The following PKP4 variants were observed in gnomAD, a reference collection of about 807,000 sequenced individuals.
The protein encoded by PKP4 is plakophilin 4.
PKP4 carries 90 observed loss-of-function variants against 145.1 expected under a neutral mutation model. That is an observed-to-expected ratio of 0.62 (90% CI 0.52 to 0.74). The LOEUF is 0.74. Among genes scored for constraint, PKP4 ranks in the 30% least tolerant of loss-of-function variants. The probability of loss-of-function intolerance (pLI) is 0.00; values close to 1 mark genes in which losing one functional copy is unlikely to be tolerated. For missense variants in PKP4, 1,340 were observed against 1,482.7 expected (o/e 0.90, Z 1.58); for synonymous variants, 563 against 577.2 (o/e 0.98, Z 0.35).
intron 4 of PKP4, 45 bp from the exon 5 acceptor site, chr2:158,620,945 A>G (rs2052167021): frequency 6.4e-7 from 1 of 1,562,368 alleles, no homozygotes; most frequent in African/African-American, 1.4e-5. Flanking sequence ...GCAAGTTTTT[A>G]TGTAATGTTA....
intron 3 of PKP4, among the ~76,000 whole-genome samples, chr2:158,590,355 GTGTAT>G: frequency 7.4e-6 from 1 of 135,534 alleles, no homozygotes; most frequent in South Asian, 2.4e-4. Context: ...GTGTGTGTGT[GTGTAT>G]TGTGTATTTC....
intron 3 of PKP4, among the ~76,000 whole-genome samples, chr2:158,583,714 TAA>T (rs1016402672): frequency 6.6e-6 from 1 of 152,148 alleles, no homozygotes; most frequent in Non-Finnish European, 1.5e-5. Context: ...TTCTTTCTCT[TAA>T]AAAAATTTAT....
chr2:158,613,119 C>T (rs141251846), intron 4 of PKP4, among the ~76,000 whole-genome samples: 1,815 of 152,256 alleles, frequency 0.012, 17 homozygotes, highest in Middle Eastern at 0.034. Flanking sequence ...AAAATCTTGA[C>T]GCCCAGGCAT....
Position 158,680,619 on chromosome 2 carries a change from C to T in PKP4, c.3521C>T (p.Thr1174Ile), listed in dbSNP as rs768603298. Residue 1174 changes from threonine to isoleucine, a missense_variant, in exon 22 of 22, where the codon ACT becomes ATT. By Grantham distance (89) the Thr-to-Ile change is moderately conservative. Coordinates refer to ENST00000389759, the MANE Select transcript of PKP4 (RefSeq NM_003628.6). ...STTNYVDFYS[T>I]KRPSYRAEQY... ...ACAAATTATGTAGACTTTTATTCCA[C>T]TAAACGACCTTCTTATAGAGCAGAA... is the stretch of plus-strand genomic sequence containing the variant. The T allele has an allele frequency of 1.2e-6, 2 of 1,613,898 alleles. No individual in the cohort carries two copies. Among genetic ancestry groups the T allele is most frequent in the South Asian group, 2.2e-5 (2 of 91,082 alleles).
chr2:158,648,603 A>G (rs984485342), intron 11 of PKP4, among the ~76,000 whole-genome samples: 1 of 152,216 alleles, frequency 6.6e-6, no homozygotes, highest in African/African-American at 2.4e-5. Flanking sequence ...GTTATGGGCC[A>G]CTAGGGCTGT....
At chr2:158,503,704 C>G (rs1696906950) in intron 1 of PKP4, among the ~76,000 whole-genome samples, 1 of 152,116 alleles carries the variant, frequency 6.6e-6, no homozygotes, top group Non-Finnish European at 1.5e-5. Context: ...ATTTTAACCC[C>G]ACCACCCAAA....
Position 158,680,852 on chromosome 2 carries a change from A to C in PKP4, c.*175A>C. On this transcript the variant is annotated 3_prime_UTR_variant, in exon 22 of 22. Coordinates refer to ENST00000389759, the MANE Select transcript of PKP4 (RefSeq NM_003628.6). ...TCAGGGAAGTGAGGAAATGTTTGGG[A>C]GAGGACTTTCTAAGCTCTATTTAGG... The C allele has an allele frequency of 1.6e-6, 1 of 607,264 alleles. No individual in the cohort carries two copies. Among genetic ancestry groups the C allele is most frequent in the Non-Finnish European group, 2.8e-6 (1 of 354,814 alleles). The allele number at this position is 607,264 out of a possible 1,614,324, so 37.6% of individuals were successfully genotyped here. A position where few individuals can be genotyped will look rare whatever the true frequency, so the allele number is the denominator to read the frequency against.
At chr2:158,648,159 G>A (rs1202261685) in intron 11 of PKP4, among the ~76,000 whole-genome samples, 1 of 152,172 alleles carries the variant, frequency 6.6e-6, no homozygotes, top group South Asian at 2.1e-4. Context: ...TCATATGACT[G>A]CTACATGTAC....
At chr2:158,644,833 T>C (rs1411254002) in intron 11 of PKP4, among the ~76,000 whole-genome samples, 1 of 152,170 alleles carries the variant, frequency 6.6e-6, no homozygotes, top group Non-Finnish European at 1.5e-5. Flanking sequence ...TAAGACAAAA[T>C]GTTAATATTT....
At chr2:158,641,035 T>C (rs1402323722) in intron 10 of PKP4, among the ~76,000 whole-genome samples, 1 of 152,162 alleles carries the variant, frequency 6.6e-6, no homozygotes, top group Non-Finnish European at 1.5e-5. Flanking sequence ...CAATTTAACT[T>C]GCATTTAAAA....
At chr2:158,534,377 C>G (rs2043851733) in intron 2 of PKP4, among the ~76,000 whole-genome samples, 1 of 152,108 alleles carries the variant, frequency 6.6e-6, no homozygotes, top group Non-Finnish European at 1.5e-5. Flanking sequence ...AAGATGTCAA[C>G]ATTTTTTTTT....
At chr2:158,505,355 C>T (rs955270238) in intron 1 of PKP4, among the ~76,000 whole-genome samples, 4 of 152,090 alleles carry the variant, frequency 2.6e-5, no homozygotes, top group African/African-American at 9.7e-5. Flanking sequence ...TAAGATTCTA[C>T]CCACCTGCCA....
At position 158,663,020 on chromosome 2, in the gene PKP4, A is replaced by G. The variant is rs1461880893; in HGVS notation, c.2335A>G (p.Lys779Glu). 6.2e-7 allele frequency: 1 copy of G among 1,614,132 alleles called. No individual in the cohort carries two copies. Among genetic ancestry groups the G allele is most frequent in the East Asian group, 2.2e-5 (1 of 44,870 alleles). Reference sequence around the variant, plus strand: ...CTTACTAGGAAAAGAGTCTCCCAGCAAAGACTCTGAGCCAAGTTGCTGGGG... The same window carrying G: ...CTTACTAGGAAAAGAGTCTCCCAGCGAAGACTCTGAGCCAAGTTGCTGGGG... ...DDLLGKESPSKDSEPSCWGKK... is the reference protein window; with the variant it reads ...DDLLGKESPSEDSEPSCWGKK... The change falls in exon 14 of 22, where the codon AAA (lysine) becomes GAA (glutamate). Residue 779 changes from lysine to glutamate, a missense_variant. Physicochemically the swap from Lys to Glu is moderately conservative, Grantham distance 56. Coordinates refer to ENST00000389759, the MANE Select transcript of PKP4 (RefSeq NM_003628.6).
At position 158,462,882 on chromosome 2, in the gene PKP4, A is replaced by G. The variant is rs557667073; in HGVS notation, c.-6+5664A>G. On this transcript the variant is annotated intron_variant, in intron 1 of 21. Transcript: ENST00000389759. ...AGATTAAATGAATTAATACATGTAAAGTGCTTACAACAGGAGCTGGTTCAG... is the reference window on the plus strand; with the variant it reads ...AGATTAAATGAATTAATACATGTAAGGTGCTTACAACAGGAGCTGGTTCAG... Among the ~76,000 whole-genome samples the G allele has an allele frequency of 2.8e-4, 42 of 152,320 alleles. 1 individual carries two copies. The highest frequency in any genetic ancestry group is 7.9e-4 in the African/African-American group (33 of 41,572).
intron 1 of PKP4, among the ~76,000 whole-genome samples, chr2:158,490,047 T>G (rs980836446): frequency 2.0e-5 from 3 of 152,198 alleles, no homozygotes; most frequent in Admixed American, 2.0e-4. Context: ...TCAGATTGTC[T>G]TTTTAAAATA....
chr2:158,578,233 T>G (rs1364115067), intron 3 of PKP4: 1 of 230,688 alleles, frequency 4.3e-6, no homozygotes, highest in Non-Finnish European at 9.5e-6. Context: ...TTGTTTCTGA[T>G]TGTTGGTATG....
At chr2:158,605,691 AT>A (rs1574740227) in intron 4 of PKP4, among the ~76,000 whole-genome samples, 2 of 152,114 alleles carry the variant, frequency 1.3e-5, no homozygotes, top group South Asian at 2.1e-4. Context: ...ATACTCTTAA[AT>A]TTTTTTTAGT....
At chr2:158,559,768 AAG>A (rs1158300361) in intron 2 of PKP4, among the ~76,000 whole-genome samples, 1 of 152,166 alleles carries the variant, frequency 6.6e-6, no homozygotes, top group Non-Finnish European at 1.5e-5. Context: ...AATTTCTTAA[AAG>A]AGTAATATGA....
At chr2:158,618,512 A>G (rs2051866557) in intron 4 of PKP4, among the ~76,000 whole-genome samples, 1 of 152,144 alleles carries the variant, frequency 6.6e-6, no homozygotes, top group African/African-American at 2.4e-5. Flanking sequence ...ATAATTTTGT[A>G]TTGTTTGAGA....
Sources: gnomAD v4.1 joint callset for allele counts (sites outside exome capture counted in the v4.1 genomes callset) on GRCh38, gnomAD v4.1.1 for gene constraint, MANE v1.5 for transcripts, NCBI Gene and HGNC (gene_info 2026-07-23, HGNC 2026-07-21) for gene names.